The following NCLN variants were observed in gnomAD, a reference collection of about 807,000 sequenced individuals.
The protein encoded by NCLN is nicalin, also known as BOS complex subunit NCLN.
Under a neutral mutation model 69.5 loss-of-function variants are expected in NCLN, and 34 were observed. The ratio of observed to expected loss-of-function variants is 0.49; its 90% CI spans 0.37 to 0.65. The LOEUF (loss-of-function observed/expected upper bound fraction) is 0.65, where lower values mean the gene tolerates loss of function less well. Ranked by LOEUF, NCLN falls within the 30% of genes least tolerant of loss-of-function variation. The probability of loss-of-function intolerance (pLI) is 0.00; values close to 1 mark genes in which losing one functional copy is unlikely to be tolerated. For synonymous variants in NCLN, 393 were observed against 358.3 expected, an observed-to-expected ratio of 1.10 and a Z score of -1.09; for missense variants, 710 against 804.8, an observed-to-expected ratio of 0.88 and a Z score of 1.42.
chr19:3,200,758 T>C (rs935042072), intron 5 of NCLN, among the ~76,000 whole-genome samples: 1 of 152,150 alleles, frequency 6.6e-6, no homozygotes, highest in Middle Eastern at 3.4e-3. Context: ...CCATCAGCAG[T>C]CACTCCTGGT....
intron 1 of NCLN, among the ~76,000 whole-genome samples, chr19:3,188,258 C>T (rs1915721148): frequency 6.6e-6 from 1 of 151,942 alleles, no homozygotes; most frequent in Non-Finnish European, 1.5e-5. Context: ...GGCCCCCTTT[C>T]TCTCCCCAAG....
intron 5 of NCLN, 23 bp downstream of exon 5, chr19:3,198,920 C>T (rs749473594): frequency 2.8e-6 from 4 of 1,418,430 alleles, no homozygotes; most frequent in African/African-American, 3.0e-5. Flanking sequence ...GTCCCCATTC[C>T]CCCCACCCCA....
intron 13 of NCLN, 31 bp from the exon 14 acceptor site, chr19:3,207,360 C>CT (rs765111816): frequency 1.5e-5 from 25 of 1,612,968 alleles, no homozygotes; most frequent in Non-Finnish European, 2.1e-5. Context: ...GCGCACCATC[C>CT]TCGACCTCAG....
Position 3,205,812 on chromosome 19 carries a change from A to ATT in NCLN, c.1209-113_1209-112dup, listed in dbSNP as rs754997356. The ATT allele has an allele frequency of 1.3e-3, 891 of 711,240 alleles. No homozygotes were observed. The highest frequency in any genetic ancestry group is 3.5e-3 in the Middle Eastern group (8 of 2,286). The allele number at this position is 711,240 out of a possible 1,614,324, so 44.1% of individuals were successfully genotyped here. ...AGCCAAGTAGTTAAAGCTAAGCTTA[A>ATT]TTTTTTTTTTTTTTTAAAGACAGAG... On this transcript the variant is annotated intron_variant, in intron 9 of 14. Coordinates refer to ENST00000246117, the MANE Select transcript of NCLN (RefSeq NM_020170.4). The surrounding 1 kb of genome is among the most constrained non-coding windows in gnomAD (Gnocchi z 4.6).
chr19:3,192,393 G>T, intron 1 of NCLN, 77 bp from the exon 2 acceptor site: 1 of 1,259,954 alleles, frequency 7.9e-7, no homozygotes, highest in Non-Finnish European at 1.1e-6. Flanking sequence ...TGCTGAGTGG[G>T]TCCCTGGCCT....
At position 3,205,153 on chromosome 19, in the gene NCLN, CTG is replaced by C. The variant is rs1246842803; in HGVS notation, c.1208+406_1208+407del. Among the ~76,000 whole-genome samples, 2 of 152,230 alleles carry C rather than the reference CTG, an allele frequency of 1.3e-5. No individual in the cohort carries two copies. The highest frequency in any genetic ancestry group is 2.4e-5 in the African/African-American group (1 of 41,458). ...TCCTCGCCCCGCCTCCCTCTGGGCA[CTG>C]TGTCTCTGGCTTCTTATGTCCTCTG... On this transcript the variant is annotated intron_variant, in intron 9 of 14. Transcript: ENST00000246117. The surrounding 1 kb of genome is among the most constrained non-coding windows in gnomAD (Gnocchi z 4.6).
intron 10 of NCLN, 31 bp from the exon 11 acceptor site, chr19:3,206,121 G>T: frequency 6.5e-7 from 1 of 1,547,980 alleles, no homozygotes; most frequent in South Asian, 1.2e-5. Context: ...CAGGGGCCTG[G>T]ACTCAGGGCC....
intron 1 of NCLN, among the ~76,000 whole-genome samples, chr19:3,187,829 G>T (rs1201209812): frequency 6.6e-6 from 1 of 152,160 alleles, no homozygotes; most frequent in African/African-American, 2.4e-5. Context: ...GGAGTGGAAG[G>T]CCAGAGGCTC....
At chr19:3,198,549 C>T (rs540908672) in intron 4 of NCLN, among the ~76,000 whole-genome samples, 1 of 150,706 alleles carries the variant, frequency 6.6e-6, no homozygotes, top group South Asian at 2.1e-4. Context: ...AAAACTTATT[C>T]TCCTGCTCTC....
At chr19:3,193,162 AC>A in intron 2 of NCLN, 121 bp from the exon 3 acceptor site, 3 of 919,216 alleles carry the variant, frequency 3.3e-6, no homozygotes, top group Non-Finnish European at 3.2e-6. Flanking sequence ...GCCCCCTGCT[AC>A]CCCCTCCAGG....
Position 3,205,798 on chromosome 19 carries a change from T to C in NCLN, c.1209-141T>C. 1 of 810,304 alleles carries C rather than the reference T, an allele frequency of 1.2e-6. No individual in the cohort carries two copies. The highest frequency in any genetic ancestry group is 2.0e-6 in the Non-Finnish European group (1 of 503,378). The allele number at this position is 810,304 out of a possible 1,614,324, so 50.2% of individuals were successfully genotyped here. ...TGCATCTACATGTTAGCCAAGTAGT[T>C]AAAGCTAAGCTTAATTTTTTTTTTT... is the stretch of plus-strand genomic sequence containing the variant. On this transcript the variant is annotated intron_variant, in intron 9 of 14. Transcript: ENST00000246117. This position sits in a 1 kb window ranked among gnomAD's most constrained non-coding sequence, Gnocchi z 4.6.
chr19:3,195,874 C>T (rs183012468), intron 3 of NCLN, among the ~76,000 whole-genome samples: 6 of 152,318 alleles, frequency 3.9e-5, no homozygotes, highest in African/African-American at 9.6e-5. Context: ...CAGGCATTTT[C>T]GGGCAGGTCC....
chr19:3,200,039 T>G (rs1031046052), intron 5 of NCLN, among the ~76,000 whole-genome samples: 1 of 150,458 alleles, frequency 6.6e-6, no homozygotes, highest in Admixed American at 6.6e-5. Flanking sequence ...CCAGGCAGAG[T>G]GCGGAGGGTC....
chr19:3,203,867 G>T (rs11670769), intron 7 of NCLN, 23 bp downstream of exon 7: 1 of 1,519,192 alleles, frequency 6.6e-7, no homozygotes, highest in Non-Finnish European at 9.0e-7. Flanking sequence ...GGGTGGGGGT[G>T]GGGGTGCCGC....
intron 4 of NCLN, among the ~76,000 whole-genome samples, chr19:3,198,463 T>C (rs1325365542): frequency 2.1e-5 from 3 of 141,448 alleles, no homozygotes; most frequent in South Asian, 2.2e-4. Context: ...GCCGAGATCG[T>C]ACCACTGCAC....
intron 14 of NCLN, 31 bp from the exon 15 acceptor site, chr19:3,207,598 A>G (rs1599361150): frequency 1.2e-6 from 2 of 1,611,944 alleles, no homozygotes; most frequent in Non-Finnish European, 1.7e-6. Context: ...GGCCCCGCCC[A>G]CATCCTCACT....
At chr19:3,198,273 G>A (rs995761694) in intron 4 of NCLN, among the ~76,000 whole-genome samples, 3 of 152,114 alleles carry the variant, frequency 2.0e-5, no homozygotes, top group African/African-American at 4.8e-5. Context: ...TTGGGAGGCC[G>A]AGGTGGGCGG....
intron 5 of NCLN, among the ~76,000 whole-genome samples, chr19:3,201,183 G>A (rs1175844688): frequency 6.6e-6 from 1 of 152,232 alleles, no homozygotes; most frequent in East Asian, 1.9e-4. Flanking sequence ...GAGCGAATCT[G>A]GCCTGGCCCT....
At chr19:3,199,716 T>TTA (rs1415321946) in intron 5 of NCLN, among the ~76,000 whole-genome samples, 30 of 91,342 alleles carry the variant, frequency 3.3e-4, no homozygotes, top group East Asian at 1.5e-3. Flanking sequence ...TTTTTTTTTT[T>TTA]AATTGAGACA....
Sources: gnomAD v4.1 joint callset for allele counts (sites outside exome capture counted in the v4.1 genomes callset) on GRCh38, gnomAD v4.1.1 for gene constraint, Gnocchi (gnomAD v3.1) non-coding constraint, MANE v1.5 for transcripts, NCBI Gene and HGNC (gene_info 2026-07-23, HGNC 2026-07-21) for gene names.